Variants in PNPLA5 observed in about 807,000 individuals in gnomAD.
PNPLA5 encodes the protein patatin-like phospholipase domain-containing protein 5.
PNPLA5 carries 44 observed loss-of-function variants against 49.1 expected under a neutral mutation model. That is an observed-to-expected ratio of 0.90 (90% CI 0.70 to 1.15). The LOEUF is 1.15. Among genes scored for constraint, PNPLA5 ranks in the 50% most tolerant of loss-of-function variants. The pLI, the probability that PNPLA5 is intolerant of heterozygous loss-of-function variation, is 0.00. For synonymous variants in PNPLA5, 243 were observed against 244.4 expected (o/e 0.99, Z 0.06); for missense variants, 603 against 564.0 (o/e 1.07, Z -0.70).
In PNPLA5 at chr22:43,891,079, A is replaced by G. The variant is rs750305026; in HGVS notation, c.409T>C (p.Cys137Arg). 1.2e-6 allele frequency: 2 copies of G among 1,610,542 alleles called. No individual in the cohort carries two copies. The highest frequency in any genetic ancestry group is 2.2e-5 in the South Asian group (2 of 90,394). The change falls in exon 2 of 9, where the codon TGC (cysteine) becomes CGC (arginine). Residue 137 changes from cysteine to arginine, a missense_variant. Coordinates refer to ENST00000216177, the MANE Select transcript of PNPLA5 (RefSeq NM_138814.4). ...RNFLVTDFAT[C>R]DELIQALVCT... is the part of the protein sequence containing the mutation. ...CCCCACACCTGGATGAGCTCATCGC[A>G]GGTGGCGAAGTCAGTGACCAAGAAG...
Position 43,880,488 on chromosome 22 carries a change from C to G in PNPLA5, c.*307G>C. On this transcript the variant is annotated 3_prime_UTR_variant, in exon 9 of 9. Transcript: ENST00000216177. ...GGCAGCTCCACGGCAGAACAGGAGCCCCTCTCCCCAGCAATGCTGCCCTCC... is the reference window on the plus strand; with the variant it reads ...GGCAGCTCCACGGCAGAACAGGAGCGCCTCTCCCCAGCAATGCTGCCCTCC... 1 of 398,938 alleles carries G rather than the reference C, an allele frequency of 2.5e-6. No homozygotes were observed. Among genetic ancestry groups the G allele is most frequent in the Admixed American group, 4.4e-5 (1 of 22,736 alleles). 24.7% of individuals were successfully genotyped at this position (398,938 alleles called of 1,614,324 possible).
intron 1 of PNPLA5, 164 bp from the exon 2 acceptor site, chr22:43,891,458 CT>C: frequency 2.1e-6 from 2 of 964,794 alleles, no homozygotes; most frequent in Non-Finnish European, 2.5e-6. Context: ...CACCTTTTCA[CT>C]TTTTGCCCCG....
intron 5 of PNPLA5, 135 bp from the exon 6 acceptor site, chr22:43,886,623 C>T (rs138131): frequency 0.34 from 483,324 of 1,426,906 alleles, 84,463 homozygotes; most frequent in African/African-American, 0.5. Context: ...CAGCTTATTC[C>T]GGATGACTCC....
At chr22:43,884,670 G>A (rs1157066877) in intron 6 of PNPLA5, among the ~76,000 whole-genome samples, 3 of 152,188 alleles carry the variant, frequency 2.0e-5, no homozygotes, top group Admixed American at 6.5e-5. Context: ...TACCTCTTCT[G>A]CCCCTCTAGA....
intron 4 of PNPLA5, among the ~76,000 whole-genome samples, chr22:43,888,248 G>A (rs185540701): frequency 3.2e-4 from 48 of 152,134 alleles, no homozygotes; most frequent in Admixed American, 2.1e-3. Context: ...TTTCCTGCCC[G>A]CCCAGGGGTG....
rs371315031 is a variant in PNPLA5 at position 43,880,749 on chromosome 22, A to C, written c.*46T>G. On this transcript the variant is annotated 3_prime_UTR_variant, in exon 9 of 9. Coordinates refer to ENST00000216177, the MANE Select transcript of PNPLA5 (RefSeq NM_138814.4). Reference sequence around the variant, plus strand: ...GGGCACACAGGACAAAGGCCAGAGCAGGAATCAAGGGACACCAGTCACTGG... The same window carrying C: ...GGGCACACAGGACAAAGGCCAGAGCCGGAATCAAGGGACACCAGTCACTGG... 54 of 1,291,414 alleles carry C rather than the reference A, an allele frequency of 4.2e-5. No homozygotes were observed. Among genetic ancestry groups the C allele is most frequent in the Non-Finnish European group, 5.3e-5 (54 of 1,013,670 alleles). 80.0% of individuals were successfully genotyped at this position (1,291,414 alleles called of 1,614,324 possible).
chr22:43,883,268 C>A (rs2049628584), intron 7 of PNPLA5, among the ~76,000 whole-genome samples: 1 of 152,152 alleles, frequency 6.6e-6, no homozygotes, highest in Non-Finnish European at 1.5e-5. Context: ...TCCCAGGGAA[C>A]CTCTAGGTGG....
Position 43,891,297 on chromosome 22 carries a change from G to A in PNPLA5, c.194-3C>T. 6.4e-7 allele frequency: 1 copy of A among 1,551,682 alleles called. No homozygotes were observed. The highest frequency in any genetic ancestry group is 8.7e-7 in the Non-Finnish European group (1 of 1,152,072). Reference sequence around the variant, plus strand: ...CAGGAGGTGGGAGCAGCAGAAGTCTGCAGTGGGGGCAGGGAAAGGGAGACC... The same window carrying A: ...CAGGAGGTGGGAGCAGCAGAAGTCTACAGTGGGGGCAGGGAAAGGGAGACC... On this transcript the variant is annotated splice_region_variant and splice_polypyrimidine_tract_variant and intron_variant, in intron 1 of 8. Transcript: ENST00000216177.
At position 43,891,778 on chromosome 22, in the gene PNPLA5, C is replaced by A; in HGVS notation, c.103G>T (p.Ala35Ser). Residue 35 changes from alanine (A) to serine (S), a missense_variant, in exon 1 of 9, where the codon GCC becomes TCC. Physicochemically the swap from Ala to Ser is moderately conservative, Grantham distance 99. Coordinates refer to ENST00000216177, the MANE Select transcript of PNPLA5 (RefSeq NM_138814.4). ...VGATECLRQR[A>S]PRLLQGARRI... ...CGGGCGCCCTGGAGGAGGCGCGGGG[C>A]TCGCTGGCGCAGGCATTCGGTGGCG... 1 of 1,530,224 alleles carries A rather than the reference C, an allele frequency of 6.5e-7. No homozygotes were observed. The highest frequency in any genetic ancestry group is 8.8e-7 in the Non-Finnish European group (1 of 1,141,280). The allele number at this position is 1,530,224 out of a possible 1,614,324, so 94.8% of individuals were successfully genotyped here. A position where few individuals can be genotyped will look rare whatever the true frequency, so the allele number is the denominator to read the frequency against.
chr22:43,891,849 T>C lies in PNPLA5; in HGVS notation c.32A>G (p.Asn11Ser), dbSNP rs2049729764. 6.6e-7 allele frequency: 1 copy of C among 1,522,106 alleles called. No individual in the cohort carries two copies. The highest frequency in any genetic ancestry group is 8.8e-7 in the Non-Finnish European group (1 of 1,139,880). 94.3% of individuals were successfully genotyped at this position (1,522,106 alleles called of 1,614,324 possible). A position where few individuals can be genotyped will look rare whatever the true frequency, so the allele number is the denominator to read the frequency against. MGFLEEEGRW[N>S]LSFSGAGYLG... Reference sequence around the variant, plus strand: ...GTAGCCGGCGCCGGAGAAGGACAGGTTCCATCTGCCCTCCTCCTCTAAGAA... The same window carrying C: ...GTAGCCGGCGCCGGAGAAGGACAGGCTCCATCTGCCCTCCTCCTCTAAGAA... Residue 11 changes from asparagine (N) to serine (S), a missense_variant, in exon 1 of 9, where the codon AAC (asparagine) becomes AGC (serine). Asn to Ser is a conservative substitution (Grantham distance 46). Coordinates refer to ENST00000216177, the MANE Select transcript of PNPLA5 (RefSeq NM_138814.4).
At chr22:43,888,938 C>G (rs2049694147) in intron 4 of PNPLA5, among the ~76,000 whole-genome samples, 1 of 152,200 alleles carries the variant, frequency 6.6e-6, no homozygotes, top group African/African-American at 2.4e-5. Context: ...TGCTTCCAGT[C>G]TGTGTGACTT....
intron 7 of PNPLA5, among the ~76,000 whole-genome samples, chr22:43,883,441 C>T (rs1366913096): frequency 5.3e-5 from 8 of 152,228 alleles, no homozygotes; most frequent in African/African-American, 9.6e-5. Context: ...CTGATGCAGA[C>T]GGGCACATTA....
intron 6 of PNPLA5, among the ~76,000 whole-genome samples, chr22:43,885,037 A>G (rs1421977615): frequency 1.3e-5 from 2 of 152,224 alleles, no homozygotes; most frequent in Non-Finnish European, 2.9e-5. Flanking sequence ...TTCCTTCTCC[A>G]TAAACTGGGG....
In PNPLA5 at chr22:43,891,081, G is replaced by C. The variant is rs758217891; in HGVS notation, c.407C>G (p.Thr136Ser). ...GRNFLVTDFA[T>S]CDELIQALVC... ...CCACACCTGGATGAGCTCATCGCAG[G>C]TGGCGAAGTCAGTGACCAAGAAGTT... Residue 136 changes from threonine to serine, a missense_variant, in exon 2 of 9, where the codon ACC becomes AGC. Physicochemically the swap from Thr to Ser is moderately conservative, Grantham distance 58. Transcript: ENST00000216177. 6.2e-7 allele frequency: 1 copy of C among 1,610,872 alleles called. No individual in the cohort carries two copies. The highest frequency in any genetic ancestry group is 8.5e-7 in the Non-Finnish European group (1 of 1,179,086).
intron 5 of PNPLA5, 80 bp downstream of exon 5, chr22:43,887,511 C>G: frequency 6.6e-7 from 1 of 1,509,040 alleles, no homozygotes; most frequent in Non-Finnish European, 9.0e-7. Flanking sequence ...ATGTCCCTAG[C>G]AGCTCAAAGG....
At chr22:43,888,563 T>A (rs1361438559) in intron 4 of PNPLA5, among the ~76,000 whole-genome samples, 1 of 151,290 alleles carries the variant, frequency 6.6e-6, no homozygotes, top group Non-Finnish European at 1.5e-5. Flanking sequence ...GCTTCCTGAG[T>A]AGCTGGAATT....
At chr22:43,890,157 C>G in intron 2 of PNPLA5, 9 of 818,240 alleles carry the variant, frequency 1.1e-5, no homozygotes, top group Non-Finnish European at 1.3e-5. Flanking sequence ...AGACTCCTTG[C>G]CTGTGTAGCA....
intron 5 of PNPLA5, among the ~76,000 whole-genome samples, chr22:43,886,831 C>G (rs1439487203): frequency 6.6e-6 from 1 of 152,220 alleles, no homozygotes. Flanking sequence ...TACAGTTACT[C>G]TGAGAATTAA....
At position 43,891,943 on chromosome 22, in the gene PNPLA5, C is replaced by A; in HGVS notation, c.-63G>T. ...GGTCACTCCGTGACCCGGGATAGGG[C>A]CGGGATGCAGCCTTGGACGGGGCTG... On this transcript the variant is annotated 5_prime_UTR_variant, in exon 1 of 9. Coordinates refer to ENST00000216177, the MANE Select transcript of PNPLA5 (RefSeq NM_138814.4). The A allele has an allele frequency of 6.9e-7, 1 of 1,449,450 alleles. No homozygotes were observed. 89.8% of individuals were successfully genotyped at this position (1,449,450 alleles called of 1,614,324 possible).
Sources: gnomAD v4.1 joint callset for allele counts (sites outside exome capture counted in the v4.1 genomes callset) on GRCh38, gnomAD v4.1.1 for gene constraint, MANE v1.5 for transcripts, NCBI Gene and HGNC (gene_info 2026-07-23, HGNC 2026-07-21) for gene names.